The following RPS10 variants were observed in gnomAD, a reference collection of about 807,000 sequenced individuals.
RPS10 encodes the protein small ribosomal subunit protein eS10.
RPS10 carries 2 observed loss-of-function variants against 22.6 expected under a neutral mutation model. That is an observed-to-expected ratio of 0.09 (90% CI 0.04 to 0.28). RPS10 has a LOEUF of 0.28. Among genes scored for constraint, RPS10 ranks in the 10% least tolerant of loss-of-function variants. The pLI, the probability that RPS10 is intolerant of heterozygous loss-of-function variation, is 1.00. For synonymous variants in RPS10, 70 were observed against 75.9 expected (o/e 0.92, Z 0.40); for missense variants, 137 against 222.2 (o/e 0.62, Z 2.44).
chr6:34,419,816 G>C (rs1581924530), intron 4 of RPS10, among the ~76,000 whole-genome samples: 1 of 152,268 alleles, frequency 6.6e-6, no homozygotes, highest in East Asian at 1.9e-4. Flanking sequence ...GACCTCAGGT[G>C]ATCTGCCCGC....
chr6:34,418,196 A>G (rs1765641602), intron 5 of RPS10, 173 bp downstream of exon 5: 2 of 1,511,962 alleles, frequency 1.3e-6, no homozygotes, highest in Admixed American at 2.2e-5. Flanking sequence ...TGTATTTACA[A>G]AAGTTTGCAT....
At chr6:34,421,245 A>G (rs992575638) in intron 4 of RPS10, among the ~76,000 whole-genome samples, 44 of 151,770 alleles carry the variant, frequency 2.9e-4, no homozygotes, top group Non-Finnish European at 5.7e-4. Flanking sequence ...ATACAATGGC[A>G]TGATCTCGGC....
chr6:34,421,870 A>G, intron 3 of RPS10, 63 bp from the exon 4 acceptor site: 1 of 1,591,668 alleles, frequency 6.3e-7, no homozygotes, highest in Non-Finnish European at 8.6e-7. Context: ...CTTAAAGCCA[A>G]GAAAACTGGC....
At chr6:34,424,500 GAGTCTAGTTCTATTC>G in intron 3 of RPS10, 154 bp downstream of exon 3, 1 of 814,044 alleles carries the variant, frequency 1.2e-6, no homozygotes, top group South Asian at 1.6e-5. Flanking sequence ...CTGAAGAACT[GAGTCTAGTTCTATTC>G]CAAGTCCCAA....
rs747142176 is a variant in RPS10, at chr6:34,424,653, T to C, written c.322+16A>G. ...CTATCTTCAAATAGCTGAAGGGATTTGTGTGGGAACCATACCTTTAGGCCG... is the reference window on the plus strand; with the variant it reads ...CTATCTTCAAATAGCTGAAGGGATTCGTGTGGGAACCATACCTTTAGGCCG... On this transcript the variant is annotated intron_variant, in intron 3 of 5. Transcript: ENST00000648437. The C allele has an allele frequency of 1.6e-5, 26 of 1,613,924 alleles. No homozygotes were observed. The East Asian group carries it at 4.9e-4, about 30-fold the overall frequency.
chr6:34,424,949 C>A, intron 2 of RPS10, 109 bp from the exon 3 acceptor site: 6 of 1,607,682 alleles, frequency 3.7e-6, no homozygotes, highest in Non-Finnish European at 5.1e-6. Flanking sequence ...CCCCGCAGTC[C>A]TGACCTCCCT....
At chr6:34,419,722 G>A (rs1463769275) in intron 4 of RPS10, among the ~76,000 whole-genome samples, 1 of 151,820 alleles carries the variant, frequency 6.6e-6, no homozygotes, top group Non-Finnish European at 1.5e-5. Flanking sequence ...GACTACATGT[G>A]CATACCACCA....
intron 5 of RPS10, 121 bp from the exon 6 acceptor site, chr6:34,417,668 G>C (rs914879600): frequency 1.8e-5 from 16 of 903,236 alleles, no homozygotes; most frequent in Non-Finnish European, 2.7e-5. Flanking sequence ...AGCTGGGAGA[G>C]AGCTGAGTAC....
chr6:34,425,921 G>C (rs1431794270), intron 1 of RPS10, 111 bp downstream of exon 1: 1 of 153,172 alleles, frequency 6.5e-6, no homozygotes, highest in Non-Finnish European at 1.5e-5. Context: ...AAATCGGTGT[G>C]TGGGGAGTGG....
Position 34,418,375 on chromosome 6 carries a change from G to C in RPS10, c.450C>G (p.Phe150Leu). The change falls in exon 5 of 6, where the codon TTC (phenylalanine) becomes TTG (leucine). Residue 150 changes from phenylalanine to leucine, a missense_variant. Phe to Leu is a conservative substitution (Grantham distance 22, BLOSUM62 0). Coordinates refer to ENST00000648437, the MANE Select transcript of RPS10 (RefSeq NM_001014.5). ...CAAATAGGAAGATACTCACAAACTG[G>C]AATTCGGTTGCTGACCCAGCCCCAG... ...AEAGAGSATE[F>L]QFRGGFGRGR... The C allele has an allele frequency of 6.2e-7, 1 of 1,614,122 alleles. No individual in the cohort carries two copies. The highest frequency in any genetic ancestry group is 8.5e-7 in the Non-Finnish European group (1 of 1,180,004).
At chr6:34,425,437 G>A (rs1765923209) in intron 1 of RPS10, 5 of 583,896 alleles carry the variant, frequency 8.6e-6, no homozygotes, top group South Asian at 3.7e-5. Context: ...GTTAAAACCA[G>A]GATAGTGGTG....
rs574755288 is a variant in RPS10 at position 34,417,858 on chromosome 6, C to T, written c.457-311G>A. The T allele has an allele frequency of 8.2e-4, 592 of 718,360 alleles. 10 individuals are homozygous for T. The South Asian group carries it at 8.5e-3, about 10-fold the overall frequency. 44.5% of individuals were successfully genotyped at this position (718,360 alleles called of 1,614,324 possible). On this transcript the variant is annotated intron_variant, in intron 5 of 5. Coordinates refer to ENST00000648437, the MANE Select transcript of RPS10 (RefSeq NM_001014.5). ...TTCTACTGTACATGCTTCCTTTTTACAAATGACATTATCTGAGAGCAATCG... is the reference window on the plus strand; with the variant it reads ...TTCTACTGTACATGCTTCCTTTTTATAAATGACATTATCTGAGAGCAATCG...
chr6:34,421,904 A>G, intron 3 of RPS10, 97 bp from the exon 4 acceptor site: 1 of 1,327,620 alleles, frequency 7.5e-7, no homozygotes, highest in Non-Finnish European at 1.1e-6. Flanking sequence ...TGTCACTCTC[A>G]GCAACCACTT....
At chr6:34,419,647 A>G (rs577864742) in intron 4 of RPS10, among the ~76,000 whole-genome samples, 43 of 151,680 alleles carry the variant, frequency 2.8e-4, no homozygotes, top group Admixed American at 5.9e-4. Flanking sequence ...ATGCAATCTC[A>G]GCTCACTGCA....
At chr6:34,421,439 C>A (rs542486174) in intron 4 of RPS10, among the ~76,000 whole-genome samples, 13 of 127,284 alleles carry the variant, frequency 1.0e-4, no homozygotes, top group South Asian at 2.5e-4. Context: ...CCACTTCGAC[C>A]CCCCCCCTCC....
chr6:34,422,942 G>A (rs1243747467), intron 3 of RPS10, among the ~76,000 whole-genome samples: 2 of 151,960 alleles, frequency 1.3e-5, no homozygotes, highest in African/African-American at 4.8e-5. Flanking sequence ...TTAGCCGGGT[G>A]TGGTGGTGCA....
rs115481077 is a variant in RPS10 at position 34,425,239 on chromosome 6, T to C, written c.1-18A>G. 3.3e-3 allele frequency: 5,213 copies of C among 1,596,976 alleles called. 31 individuals are homozygous for C. Among genetic ancestry groups the C allele is most frequent in the Middle Eastern group, 0.021 (128 of 6,036 alleles). ...ATCAACATCTGCAAGAAGGAGACGA[T>C]TGTCAAGAGCACTTCTGAGTAACGA... On this transcript the variant is annotated intron_variant, in intron 1 of 5. Coordinates refer to ENST00000648437, the MANE Select transcript of RPS10 (RefSeq NM_001014.5).
chr6:34,424,155 A>AAAAAAT (rs1765868651), intron 3 of RPS10: 1 of 150,358 alleles, frequency 6.7e-6, no homozygotes, highest in African/African-American at 2.5e-5. Flanking sequence ...AAAAAAAAAA[A>AAAAAAT]AAAAAAAAAG....
intron 5 of RPS10, 194 bp downstream of exon 5, chr6:34,418,175 T>C: frequency 4.0e-6 from 6 of 1,490,078 alleles, no homozygotes; most frequent in Non-Finnish European, 5.4e-6. Flanking sequence ...GAGACTCATT[T>C]CAGTAATTTA....
Sources: gnomAD v4.1 joint callset for allele counts (sites outside exome capture counted in the v4.1 genomes callset) on GRCh38, gnomAD v4.1.1 for gene constraint, MANE v1.5 for transcripts, NCBI Gene and HGNC (gene_info 2026-07-23, HGNC 2026-07-21) for gene names.